The following CNTN2 variants were observed in gnomAD, a reference collection of about 807,000 sequenced individuals.
CNTN2 encodes the protein contactin 2.
Under a neutral mutation model 117.5 loss-of-function variants are expected in CNTN2, and 53 were observed. The observed-to-expected ratio is 0.45, with a 90% confidence interval of 0.36 to 0.57. The LOEUF (loss-of-function observed/expected upper bound fraction) is 0.57. Among genes scored for constraint, CNTN2 ranks in the 20% least tolerant of loss-of-function variants. The pLI, the probability that CNTN2 is intolerant of heterozygous loss-of-function variation, is 0.00. For missense variants in CNTN2, 1,106 were observed against 1,404.3 expected (o/e 0.79, Z 3.39); for synonymous variants, 530 against 561.7 (o/e 0.94, Z 0.80).
chr1:205,073,006 G>T lies in CNTN2; in HGVS notation c.2845-62G>T. 1 of 1,576,938 alleles carries T rather than the reference G, an allele frequency of 6.3e-7. No homozygotes were observed. The highest frequency in any genetic ancestry group is 2.3e-5 in the East Asian group (1 of 44,312). Reference sequence around the variant, plus strand: ...GGTCTCCTCCCAGTACCTAAAGCTGGGGATGACTCAACGATCAGCCCTGGT... The same window carrying T: ...GGTCTCCTCCCAGTACCTAAAGCTGTGGATGACTCAACGATCAGCCCTGGT... On this transcript the variant is annotated intron_variant, in intron 21 of 22. Transcript: ENST00000331830. This position sits in a 1 kb window ranked among gnomAD's most constrained non-coding sequence, Gnocchi z 6.3.
rs2151203056 is a variant in CNTN2, at chr1:205,076,390, T to C, written c.*2625T>C. 6.6e-6 allele frequency: 1 copy of C among 152,310 alleles called. No individual in the cohort carries two copies. The highest frequency in any genetic ancestry group is 2.4e-5 in the African/African-American group (1 of 41,584). The allele number at this position is 152,310 out of a possible 1,614,324, so 9.4% of individuals were successfully genotyped here. A position where few individuals can be genotyped will look rare whatever the true frequency, so the allele number is the denominator to read the frequency against. On this transcript the variant is annotated 3_prime_UTR_variant, in exon 23 of 23. Transcript: ENST00000331830. Reference sequence around the variant, plus strand: ...GTACATGAGCTTGCTTGCAGAAGACTAGATTAGATGTTTCTCAGGATCCCC... The same window carrying C: ...GTACATGAGCTTGCTTGCAGAAGACCAGATTAGATGTTTCTCAGGATCCCC...
chr1:205,065,803 G>A lies in CNTN2; in HGVS notation c.1710G>A (p.Gly570=). 6.7e-7 allele frequency: 1 copy of A among 1,498,248 alleles called. No homozygotes were observed. Among genetic ancestry groups the A allele is most frequent in the Non-Finnish European group, 9.1e-7 (1 of 1,098,590 alleles). 92.8% of individuals were successfully genotyped at this position (1,498,248 alleles called of 1,614,324 possible). A position where few individuals can be genotyped will look rare whatever the true frequency, so the allele number is the denominator to read the frequency against. The change falls in exon 14 of 23, where the codon GGG becomes GGA. Residue 570 remains glycine (G), a synonymous_variant. Transcript: ENST00000331830. This position sits in a 1 kb window ranked among gnomAD's most constrained non-coding sequence, Gnocchi z 4.1. Reference sequence around the variant, plus strand: ...CCCGTGTGCAGAAGGAGACCATTGGGGATCTGACCATCCTGAACGCCCAGC... The same window carrying A: ...CCCGTGTGCAGAAGGAGACCATTGGAGATCTGACCATCCTGAACGCCCAGC... ...YRRTNVKETI[G]DLTILNAQLR...
Position 205,058,681 on chromosome 1 carries a change from G to A in CNTN2, c.487+18G>A, listed in dbSNP as rs1464644238. The A allele has an allele frequency of 3.1e-6, 5 of 1,597,722 alleles. No individual in the cohort carries two copies. Among genetic ancestry groups the A allele is most frequent in the African/African-American group, 1.3e-5 (1 of 74,538 alleles). ...CTACCCAGGTGAGTCCAGACCTGGG[G>A]CCAGGGTTAGAGAGGGCACAGGAAG... On this transcript the variant is annotated intron_variant, in intron 5 of 22. Transcript: ENST00000331830. The surrounding 1 kb of genome is among the most constrained non-coding windows in gnomAD (Gnocchi z 4.3).
rs1362849904 is a variant in CNTN2 at position 205,059,051 on chromosome 1, C to A, written c.488-33C>A. 3.1e-6 allele frequency: 5 copies of A among 1,604,718 alleles called. No homozygotes were observed. Among genetic ancestry groups the A allele is most frequent in the Non-Finnish European group, 4.3e-6 (5 of 1,171,868 alleles). On this transcript the variant is annotated intron_variant, in intron 5 of 22. Transcript: ENST00000331830. The surrounding 1 kb of genome is among the most constrained non-coding windows in gnomAD (Gnocchi z 5.6). ...CCAGAGTGGCCCTGTTAGCCCAGCACCCCCTGGTTTCCTCAAACTCCTCAC... is the reference window on the plus strand; with the variant it reads ...CCAGAGTGGCCCTGTTAGCCCAGCAACCCCTGGTTTCCTCAAACTCCTCAC...
Position 205,065,310 on chromosome 1 carries a change from G to C in CNTN2, c.1695+48G>C. The C allele has an allele frequency of 6.2e-7, 1 of 1,601,944 alleles. No individual in the cohort carries two copies. Among genetic ancestry groups the C allele is most frequent in the African/African-American group, 1.3e-5 (1 of 74,556 alleles). ...CATGGCTTCTCCCTCCTTCTAGAGA[G>C]ACAGGGGCCCCAAGATGTCCTTAGC... On this transcript the variant is annotated intron_variant, in intron 13 of 22. Transcript: ENST00000331830. This position sits in a 1 kb window ranked among gnomAD's most constrained non-coding sequence, Gnocchi z 4.1.
At position 205,053,119 on chromosome 1, in the gene CNTN2, C is replaced by G. The variant is rs2096455747; in HGVS notation, c.-67C>G. The G allele has an allele frequency of 7.7e-7, 1 of 1,292,440 alleles. No individual in the cohort carries two copies. Among genetic ancestry groups the G allele is most frequent in the African/African-American group, 1.5e-5 (1 of 67,032 alleles). 80.1% of individuals were successfully genotyped at this position (1,292,440 alleles called of 1,614,324 possible). On this transcript the variant is annotated 5_prime_UTR_variant, in exon 2 of 23. Transcript: ENST00000331830. ...CCCCAGGTCCTTTCTCAGCCTCCAG[C>G]TGGGCTGTCCCCAAGCTGAGCTGAG...
rs899157035 is a variant in CNTN2 at position 205,075,500 on chromosome 1, A to G, written c.*1735A>G. 6.6e-6 allele frequency: 1 copy of G among 152,644 alleles called. No individual in the cohort carries two copies. Among genetic ancestry groups the G allele is most frequent in the African/African-American group, 2.4e-5 (1 of 41,460 alleles). The allele number at this position is 152,644 out of a possible 1,614,324, so 9.5% of individuals were successfully genotyped here. A position where few individuals can be genotyped will look rare whatever the true frequency, so the allele number is the denominator to read the frequency against. On this transcript the variant is annotated 3_prime_UTR_variant, in exon 23 of 23. Transcript: ENST00000331830. ...GCGGGACAGGCATCTTGAAGGGCAT[A>G]TGTCCTCGGAAGCTCCGAGCCTGTT...
chr1:205,064,505 GCTC>G, intron 11 of CNTN2, 33 bp downstream of exon 11: 4 of 1,594,566 alleles, frequency 2.5e-6, no homozygotes, highest in Non-Finnish European at 3.4e-6. Flanking sequence ...CACAGTTCCT[GCTC>G]CTCCTCATTC....
At chr1:205,071,914 C>T (rs1183906052) in intron 19 of CNTN2, 33 bp from the exon 20 acceptor site, 1 of 1,585,988 alleles carries the variant, frequency 6.3e-7, no homozygotes, top group Non-Finnish European at 8.6e-7. Flanking sequence ...CTGGGCTTGA[C>T]TACTACCCCT....
chr1:205,059,168 A>G lies in CNTN2; in HGVS notation c.572A>G (p.Asn191Ser). The G allele has an allele frequency of 6.2e-7, 1 of 1,614,160 alleles. No homozygotes were observed. The change falls in exon 6 of 23, where the codon AAC becomes AGC. Residue 191 changes from asparagine (N) to serine (S), a missense_variant. Asn to Ser is a conservative substitution (Grantham distance 46, BLOSUM62 1). Transcript: ENST00000331830. The surrounding 1 kb of genome is among the most constrained non-coding windows in gnomAD (Gnocchi z 5.6). Reference sequence around the variant, plus strand: ...CACTTCGTGTCCCAGACCACAGGGAACCTGTACATTGCCCGAACCAATGCC... The same window carrying G: ...CACTTCGTGTCCCAGACCACAGGGAGCCTGTACATTGCCCGAACCAATGCC... ...GRHFVSQTTGNLYIARTNASD... is the reference protein window; with the variant it reads ...GRHFVSQTTGSLYIARTNASD...
Position 205,074,293 on chromosome 1 carries a change from C to T in CNTN2, c.*528C>T, listed in dbSNP as rs1219520373. On this transcript the variant is annotated 3_prime_UTR_variant, in exon 23 of 23. Transcript: ENST00000331830. ...CCTCGAGCAGCAGCAAGGACCCTGA[C>T]GCTGTCCCCGATAACTCCCTAGGGG... The T allele has an allele frequency of 2.0e-5, 8 of 404,440 alleles. No individual in the cohort carries two copies. In the South Asian group the frequency reaches 7.2e-4, roughly 36 times the overall value. 25.1% of individuals were successfully genotyped at this position (404,440 alleles called of 1,614,324 possible).
Position 205,076,765 on chromosome 1 carries a change from C to T in CNTN2, c.*3000C>T, listed in dbSNP as rs1574669783. The T allele has an allele frequency of 6.6e-6, 1 of 152,290 alleles. No homozygotes were observed. Among genetic ancestry groups the T allele is most frequent in the African/African-American group, 2.4e-5 (1 of 41,428 alleles). 9.4% of individuals were successfully genotyped at this position (152,290 alleles called of 1,614,324 possible). On this transcript the variant is annotated 3_prime_UTR_variant, in exon 23 of 23. Transcript: ENST00000331830. ...TGCTCTAACAGTCCAGATGTACACC[C>T]AGCCTCAGGGGGAAGGCAGCTCTCT...
chr1:205,052,996 G>A (rs978106918), intron 1 of CNTN2, 104 bp from the exon 2 acceptor site: 45 of 446,858 alleles, frequency 1.0e-4, no homozygotes, highest in Admixed American at 3.2e-4. Flanking sequence ...GGGCAATTCC[G>A]GCAGCTCCCC....
rs746770815 is a variant in CNTN2 at position 205,077,733 on chromosome 1, A to C, written c.*3968A>C. 1 of 152,262 alleles carries C rather than the reference A, an allele frequency of 6.6e-6. No homozygotes were observed. Among genetic ancestry groups the C allele is most frequent in the Non-Finnish European group, 1.5e-5 (1 of 68,078 alleles). 9.4% of individuals were successfully genotyped at this position (152,262 alleles called of 1,614,324 possible). On this transcript the variant is annotated 3_prime_UTR_variant, in exon 23 of 23. Transcript: ENST00000331830. ...CAGCCCCAGGCAGCCTTTGGGGCCTATGACACTTAGTGCCCTTAGATGGGA... is the reference window on the plus strand; with the variant it reads ...CAGCCCCAGGCAGCCTTTGGGGCCTCTGACACTTAGTGCCCTTAGATGGGA...
rs1307350279 is a variant in CNTN2, at chr1:205,074,992, G to C, written c.*1227G>C. 7.5e-6 allele frequency: 3 copies of C among 398,044 alleles called. No homozygotes were observed. In the Admixed American group the frequency reaches 1.3e-4, roughly 18 times the overall value. 24.7% of individuals were successfully genotyped at this position (398,044 alleles called of 1,614,324 possible). On this transcript the variant is annotated 3_prime_UTR_variant, in exon 23 of 23. Coordinates refer to ENST00000331830, the MANE Select transcript of CNTN2 (RefSeq NM_005076.5). ...ATACTACCAGTCACAGAACGTCAGA[G>C]CTGGAAGAAGCCTTAGAGCTCAACT...
At position 205,076,531 on chromosome 1, in the gene CNTN2, A is replaced by G. The variant is rs1303038885; in HGVS notation, c.*2766A>G. The G allele has an allele frequency of 6.6e-6, 1 of 152,150 alleles. No individual in the cohort carries two copies. Among genetic ancestry groups the G allele is most frequent in the African/African-American group, 2.4e-5 (1 of 41,420 alleles). 9.4% of individuals were successfully genotyped at this position (152,150 alleles called of 1,614,324 possible). A position where few individuals can be genotyped will look rare whatever the true frequency, so the allele number is the denominator to read the frequency against. On this transcript the variant is annotated 3_prime_UTR_variant, in exon 23 of 23. Coordinates refer to ENST00000331830, the MANE Select transcript of CNTN2 (RefSeq NM_005076.5). The stretch of plus-strand genomic sequence containing the variant: ...CCACAGTTCTGGGTTATCTCCTCTC[A>G]TACATCAAGCCCCAGAGGAGGCGGC...
Position 205,074,508 on chromosome 1 carries a change from A to C in CNTN2, c.*743A>C, listed in dbSNP as rs1345855549. On this transcript the variant is annotated 3_prime_UTR_variant, in exon 23 of 23. Transcript: ENST00000331830. ...TGAGATAGTCACAACCCAGGTGACG[A>C]TGCCCTCTCAGCCAACACTGCCAAC... 7.5e-6 allele frequency: 3 copies of C among 398,108 alleles called. No homozygotes were observed. Among genetic ancestry groups the C allele is most frequent in the Non-Finnish European group, 1.3e-5 (3 of 226,116 alleles). 24.7% of individuals were successfully genotyped at this position (398,108 alleles called of 1,614,324 possible).
rs1334508555 is a variant in CNTN2 at position 205,064,471 on chromosome 1, A to C, written c.1390A>C (p.Arg464=). Residue 464 remains arginine, a splice_region_variant and synonymous_variant, in exon 11 of 23, where the codon AGA becomes CGA. Coordinates refer to ENST00000331830, the MANE Select transcript of CNTN2 (RefSeq NM_005076.5). The part of the protein sequence containing the change: ...KGTEILVNSS[R]VTVTPDGTLI... ...CACGGAGATTTTGGTCAACAGCAGC[A>C]GGTACCACCCACACCCCACCCTGCA... 1.2e-6 allele frequency: 2 copies of C among 1,608,110 alleles called. No individual in the cohort carries two copies. The highest frequency in any genetic ancestry group is 1.7e-6 in the Non-Finnish European group (2 of 1,175,340).
chr1:205,070,755 G>A, intron 19 of CNTN2: 1 of 372,390 alleles, frequency 2.7e-6, no homozygotes, highest in Admixed American at 4.1e-5. Context: ...CCATCACTTT[G>A]GGAGGCTGAG....
Sources: gnomAD v4.1 joint callset for allele counts on GRCh38, gnomAD v4.1.1 for gene constraint, Gnocchi (gnomAD v3.1) non-coding constraint, MANE v1.5 for transcripts, NCBI Gene and HGNC (gene_info 2026-07-23, HGNC 2026-07-21) for gene names.